UQCC1: variants seen among roughly 807,000 people sequenced by gnomAD.
UQCC1 encodes ubiquinol-cytochrome c reductase complex assembly factor 1.
Under a neutral mutation model 48.0 loss-of-function variants are expected in UQCC1, and 38 were observed. The ratio of observed to expected loss-of-function variants is 0.79; its 90% CI spans 0.61 to 1.04. The LOEUF (loss-of-function observed/expected upper bound fraction) is 1.04, where lower values mean the gene tolerates loss of function less well. Among genes scored for constraint, UQCC1 ranks in the 50% least tolerant of loss-of-function variants. The pLI is 0.00. For missense variants in UQCC1, 368 were observed against 381.8 expected, an observed-to-expected ratio of 0.96 and a Z score of 0.30; for synonymous variants, 111 against 129.2, an observed-to-expected ratio of 0.86 and a Z score of 0.95.
At chr20:35,392,974 G>T (rs1384427976) in intron 2 of UQCC1, among the ~76,000 whole-genome samples, 1 of 151,836 alleles carries the variant, frequency 6.6e-6, no homozygotes, top group Non-Finnish European at 1.5e-5. Flanking sequence ...TTCACAAACT[G>T]AAAAACAACT....
intron 8 of UQCC1, among the ~76,000 whole-genome samples, chr20:35,310,325 C>A (rs1379823399): frequency 1.3e-5 from 2 of 152,080 alleles, no homozygotes; most frequent in African/African-American, 2.4e-5. Flanking sequence ...TCAGGGAAAC[C>A]TTTCTGAAGA....
At chr20:35,380,721 C>T (rs2061855715) in intron 4 of UQCC1, among the ~76,000 whole-genome samples, 1 of 152,166 alleles carries the variant, frequency 6.6e-6, no homozygotes, top group African/African-American at 2.4e-5. Flanking sequence ...AATATTCCAG[C>T]AACCCTGAAA....
Position 35,326,749 on chromosome 20 carries a change from G to A in UQCC1, c.574-11984C>T, listed in dbSNP as rs141690056. Among the ~76,000 whole-genome samples, 969 of 152,284 alleles carry A rather than the reference G, an allele frequency of 6.4e-3. 10 individuals carry two copies. Among genetic ancestry groups the A allele is most frequent in the African/African-American group, 0.013 (534 of 41,552 alleles). ...GAGCCTCATGACTGCATTTATGAGC[G>A]CAGAAAAGCTGCAGGCACTACTTGG... On this transcript the variant is annotated intron_variant, in intron 7 of 9. Coordinates refer to ENST00000374385, the MANE Select transcript of UQCC1 (RefSeq NM_018244.5).
chr20:35,351,564 C>T lies in UQCC1; in HGVS notation c.465-4292G>A, dbSNP rs146084086. Among the ~76,000 whole-genome samples the T allele has an allele frequency of 4.3e-4, 66 of 152,296 alleles. 1 individual carries two copies. In the East Asian group the frequency reaches 0.013, roughly 29 times the overall value. ...AGTTAATCAAATCCCTCATGTCAGC[C>T]TCTCACCTGAAAAGACGCTGTGTGT... On this transcript the variant is annotated intron_variant, in intron 6 of 9. Coordinates refer to ENST00000374385, the MANE Select transcript of UQCC1 (RefSeq NM_018244.5).
intron 7 of UQCC1, among the ~76,000 whole-genome samples, chr20:35,320,407 T>G (rs114185382): frequency 0.012 from 1,779 of 152,230 alleles, 41 homozygotes; most frequent in African/African-American, 0.039. Context: ...AGCTAGGAAA[T>G]AGTGGGGTCA....
chr20:35,385,245 A>G (rs904894015), intron 2 of UQCC1, among the ~76,000 whole-genome samples: 1 of 152,208 alleles, frequency 6.6e-6, no homozygotes, highest in African/African-American at 2.4e-5. Flanking sequence ...CAAAATAGGC[A>G]CTCAATAAAT....
intron 7 of UQCC1, among the ~76,000 whole-genome samples, chr20:35,316,463 G>A (rs1948950268): frequency 6.6e-6 from 1 of 152,126 alleles, no homozygotes; most frequent in African/African-American, 2.4e-5. Flanking sequence ...CTTCTGGGAG[G>A]ATAATTTTAC....
In UQCC1 at chr20:35,306,753, C is replaced by A. The variant is rs1381768380; in HGVS notation, c.678G>T (p.Leu226=). Residue 226 remains leucine, a synonymous_variant, in exon 9 of 10, where the codon CTG becomes CTT. Transcript: ENST00000374385. ...AGAAGGTTCTCCAGAGGGCAGCGGC[C>A]AGCCCATGATCATCTGAAAGGATCC... ...DEGILSDDHG[L]AAALWRTFFN... 1 of 1,613,936 alleles carries A rather than the reference C, an allele frequency of 6.2e-7. No homozygotes were observed. Among genetic ancestry groups the A allele is most frequent in the African/African-American group, 1.3e-5 (1 of 74,906 alleles).
intron 2 of UQCC1, among the ~76,000 whole-genome samples, chr20:35,389,778 G>A (rs1246221770): frequency 6.6e-6 from 1 of 152,160 alleles, no homozygotes; most frequent in Non-Finnish European, 1.5e-5. Context: ...TCACTGCAGT[G>A]AAGAACCATC....
intron 6 of UQCC1, among the ~76,000 whole-genome samples, chr20:35,364,443 C>A (rs781698341): frequency 6.6e-6 from 1 of 152,136 alleles, no homozygotes; most frequent in Non-Finnish European, 1.5e-5. Context: ...ATCTGATTTG[C>A]CCAAAAGAAA....
At chr20:35,404,004 G>A (rs1384430744) in intron 1 of UQCC1, among the ~76,000 whole-genome samples, 1 of 147,776 alleles carries the variant, frequency 6.8e-6, no homozygotes, top group African/African-American at 2.7e-5. Flanking sequence ...TTGGGAGGCC[G>A]AGGAGGGCGG....
chr20:35,403,314 GAA>G (rs1032562139), intron 1 of UQCC1, among the ~76,000 whole-genome samples: 6 of 152,190 alleles, frequency 3.9e-5, no homozygotes, highest in Admixed American at 1.3e-4. Flanking sequence ...AATATATAAA[GAA>G]AAAGATATAT....
intron 7 of UQCC1, among the ~76,000 whole-genome samples, chr20:35,334,921 G>A (rs1178028114): frequency 6.6e-6 from 1 of 152,170 alleles, no homozygotes; most frequent in Non-Finnish European, 1.5e-5. Flanking sequence ...CCCCAGAGAG[G>A]TGATGTGATT....
intron 7 of UQCC1, among the ~76,000 whole-genome samples, chr20:35,318,869 C>T (rs1398655467): frequency 6.6e-6 from 1 of 152,042 alleles, no homozygotes; most frequent in Non-Finnish European, 1.5e-5. Flanking sequence ...GATTTTATTC[C>T]CTCATTTAAG....
intron 7 of UQCC1, among the ~76,000 whole-genome samples, chr20:35,341,039 G>A (rs2146371281): frequency 6.6e-6 from 1 of 152,034 alleles, no homozygotes; most frequent in Admixed American, 6.5e-5. Context: ...GACCAGTCGG[G>A]CTAACATGGT....
At chr20:35,351,260 G>A (rs191689483) in intron 6 of UQCC1, among the ~76,000 whole-genome samples, 20 of 151,742 alleles carry the variant, frequency 1.3e-4, no homozygotes, top group Non-Finnish European at 2.2e-4. Flanking sequence ...GTATGGTGGC[G>A]CGTGCCTGTA....
intron 7 of UQCC1, among the ~76,000 whole-genome samples, chr20:35,343,386 C>T (rs955092937): frequency 4.6e-5 from 7 of 152,210 alleles, no homozygotes; most frequent in Non-Finnish European, 8.8e-5. Flanking sequence ...TGGCTCTACA[C>T]TGCCTATTAC....
intron 6 of UQCC1, among the ~76,000 whole-genome samples, chr20:35,364,324 G>A (rs2061641069): frequency 6.6e-6 from 1 of 152,184 alleles, no homozygotes; most frequent in Non-Finnish European, 1.5e-5. Flanking sequence ...GCATCTGCCT[G>A]TGTCTTGGGC....
chr20:35,307,048 A>C, intron 8 of UQCC1: 3 of 500,628 alleles, frequency 6.0e-6, no homozygotes, highest in Non-Finnish European at 1.1e-5. Context: ...GCTGGGACTC[A>C]GGCAGTACTC....
Sources: gnomAD v4.1 joint callset for allele counts (sites outside exome capture counted in the v4.1 genomes callset) on GRCh38, gnomAD v4.1.1 for gene constraint, MANE v1.5 for transcripts, NCBI Gene and HGNC (gene_info 2026-07-23, HGNC 2026-07-21) for gene names.